The following CSMD1 variants were observed in gnomAD, a reference collection of about 807,000 sequenced individuals.
CSMD1 encodes the protein CUB and Sushi multiple domains 1.
Under a neutral mutation model 417.5 loss-of-function variants are expected in CSMD1, and 213 were observed. The observed-to-expected ratio is 0.51, with a 90% CI of 0.46 to 0.57. CSMD1 has a LOEUF of 0.57. CSMD1 is among the 20% of genes least tolerant of loss of function. The probability of loss-of-function intolerance (pLI) is 0.00; values close to 1 mark genes in which losing one functional copy is unlikely to be tolerated. For synonymous variants in CSMD1, 2,862 were observed against 1,736.8 expected, an observed-to-expected ratio of 1.65 and a Z score of -16.11; for missense variants, 6,923 against 4,529.7, an observed-to-expected ratio of 1.53 and a Z score of -15.17.
At chr8:4,971,787 CATT>C (rs1810255535) in intron 1 of CSMD1, among the ~76,000 whole-genome samples, 1 of 151,648 alleles carries the variant, frequency 6.6e-6, no homozygotes, top group Admixed American at 6.6e-5. Flanking sequence ...ATACAATTCT[CATT>C]ATTATAAGTA....
In CSMD1 at chr8:3,597,623, C is replaced by T. The variant is rs1213665104; in HGVS notation, c.1098-11363G>A. The stretch of plus-strand genomic sequence containing the variant: ...ACACAGTTCTTAAAATGTCTTTGCC[C>T]AGCACATATACACCATGGAATACTA... On this transcript the variant is annotated intron_variant, in intron 8 of 69. Coordinates refer to ENST00000635120, the MANE Select transcript of CSMD1 (RefSeq NM_033225.6). Among the ~76,000 whole-genome samples the T allele has an allele frequency of 5.9e-5, 9 of 152,228 alleles. No individual in the cohort carries two copies. In the South Asian group the frequency reaches 1.5e-3, roughly 25 times the overall value.
chr8:3,847,453 A>T (rs765644740), intron 5 of CSMD1, among the ~76,000 whole-genome samples: 7 of 152,074 alleles, frequency 4.6e-5, no homozygotes, highest in Non-Finnish European at 1.0e-4. Flanking sequence ...TGGGGTCCTG[A>T]GCATCTCAGC....
At chr8:4,078,168 T>G (rs2130802832) in intron 3 of CSMD1, among the ~76,000 whole-genome samples, 1 of 152,332 alleles carries the variant, frequency 6.6e-6, no homozygotes, top group South Asian at 2.1e-4. Flanking sequence ...CAATGGCAAT[T>G]CAGTTTGCTA....
chr8:4,343,475 ATGG>A, intron 3 of CSMD1, among the ~76,000 whole-genome samples: 1 of 152,276 alleles, frequency 6.6e-6, no homozygotes, highest in East Asian at 1.9e-4. Context: ...TAGCTTGATC[ATGG>A]TGATGTACAT....
In CSMD1 at chr8:4,398,528, G is replaced by T. The variant is rs756426449; in HGVS notation, c.415+21425C>A. Among the ~76,000 whole-genome samples the T allele has an allele frequency of 2.0e-5, 3 of 151,716 alleles. No individual in the cohort carries two copies. In the East Asian group the frequency reaches 5.9e-4, roughly 30 times the overall value. Reference sequence around the variant, plus strand: ...CTAGCCTCAGCCTCCCGAGTAGGTGGGACTACAGGCGCCCGCCACCATGCC... The same window carrying T: ...CTAGCCTCAGCCTCCCGAGTAGGTGTGACTACAGGCGCCCGCCACCATGCC... On this transcript the variant is annotated intron_variant, in intron 3 of 69. Coordinates refer to ENST00000635120, the MANE Select transcript of CSMD1 (RefSeq NM_033225.6).
At chr8:4,548,053 A>C (rs1458686343) in intron 2 of CSMD1, among the ~76,000 whole-genome samples, 2 of 152,152 alleles carry the variant, frequency 1.3e-5, no homozygotes, top group African/African-American at 4.8e-5. Context: ...AACCCTTGCA[A>C]TATATTAAAT....
intron 1 of CSMD1, among the ~76,000 whole-genome samples, chr8:4,923,022 G>C (rs1317677771): frequency 1.3e-5 from 2 of 152,134 alleles, no homozygotes; most frequent in African/African-American, 4.8e-5. Context: ...TCAGCTAGAT[G>C]GGGTGCTACT....
chr8:3,723,230 G>A (rs1233633624), intron 6 of CSMD1, among the ~76,000 whole-genome samples: 1 of 152,112 alleles, frequency 6.6e-6, no homozygotes, highest in African/African-American at 2.4e-5. Context: ...CCTGCCTTGT[G>A]ACCCATCCAT....
chr8:4,945,987 G>A (rs1279485650), intron 1 of CSMD1, among the ~76,000 whole-genome samples: 2 of 152,158 alleles, frequency 1.3e-5, no homozygotes, highest in South Asian at 2.1e-4. Flanking sequence ...AGAAGACACG[G>A]TAGAGACCTG....
intron 1 of CSMD1, among the ~76,000 whole-genome samples, chr8:4,690,039 T>A (rs1419050760): frequency 6.6e-6 from 1 of 152,188 alleles, no homozygotes; most frequent in African/African-American, 2.4e-5. Flanking sequence ...GAGAAGAGAA[T>A]GGGTTTGAAG....
At chr8:3,420,197 A>G (rs1813399363) in intron 12 of CSMD1, among the ~76,000 whole-genome samples, 1 of 152,188 alleles carries the variant, frequency 6.6e-6, no homozygotes, top group South Asian at 2.1e-4. Context: ...AGATACAACT[A>G]CTTTATGATA....
At chr8:4,398,974 A>C (rs897597134) in intron 3 of CSMD1, among the ~76,000 whole-genome samples, 5 of 152,242 alleles carry the variant, frequency 3.3e-5, no homozygotes, top group Non-Finnish European at 7.3e-5. Context: ...TTCTTCCAGG[A>C]AACAGTCAAA....
intron 5 of CSMD1, among the ~76,000 whole-genome samples, chr8:3,983,615 A>G (rs1033142774): frequency 6.6e-6 from 1 of 152,168 alleles, no homozygotes; most frequent in Non-Finnish European, 1.5e-5. Flanking sequence ...CCATTTATCA[A>G]ACTGTATTTT....
At chr8:4,138,409 T>C (rs1803570095) in intron 3 of CSMD1, among the ~76,000 whole-genome samples, 1 of 152,096 alleles carries the variant, frequency 6.6e-6, no homozygotes, top group Non-Finnish European at 1.5e-5. Context: ...CGTCCAGTTC[T>C]GAGCTCTCAG....
At chr8:4,199,372 G>C (rs1273668155) in intron 3 of CSMD1, among the ~76,000 whole-genome samples, 3 of 152,148 alleles carry the variant, frequency 2.0e-5, no homozygotes, top group African/African-American at 4.8e-5. Context: ...CTTTAATAAA[G>C]ATGCATAGTG....
intron 1 of CSMD1, among the ~76,000 whole-genome samples, chr8:4,718,095 C>T (rs78251651): frequency 6.6e-6 from 1 of 152,076 alleles, no homozygotes. Flanking sequence ...CTCCCACTTC[C>T]TCAAAGTACC....
intron 5 of CSMD1, among the ~76,000 whole-genome samples, chr8:3,839,307 T>C (rs1203389254): frequency 8.1e-6 from 1 of 123,564 alleles, no homozygotes; most frequent in Non-Finnish European, 1.6e-5. Flanking sequence ...CTATTATATA[T>C]ACTATTAATA....
At chr8:4,119,033 T>G (rs1224585044) in intron 3 of CSMD1, among the ~76,000 whole-genome samples, 3 of 151,430 alleles carry the variant, frequency 2.0e-5, no homozygotes, top group Non-Finnish European at 4.4e-5. Context: ...TAAGTGGGAG[T>G]TGAATAATGA....
At chr8:3,323,848 G>C (rs915353050) in intron 23 of CSMD1, among the ~76,000 whole-genome samples, 3 of 147,660 alleles carry the variant, frequency 2.0e-5, no homozygotes, top group Non-Finnish European at 3.0e-5. Context: ...TGTTAAAACA[G>C]ACACACATCT....
Sources: allele counts gnomAD v4.1 joint callset (sites outside exome capture counted in the v4.1 genomes callset), GRCh38; gene constraint gnomAD v4.1.1; transcripts MANE v1.5; gene names NCBI Gene and HGNC (gene_info 2026-07-23, HGNC 2026-07-21).